The following GAS7 variants were observed in gnomAD, a reference collection of about 807,000 sequenced individuals.
GAS7 encodes growth arrest specific 7, also known as growth arrest-specific protein 7.
GAS7 carries 28 observed loss-of-function variants against 71.1 expected under a neutral mutation model. The ratio of observed to expected loss-of-function variants is 0.39; its 90% confidence interval spans 0.29 to 0.54. GAS7 has a LOEUF of 0.54. Among genes scored for constraint, GAS7 ranks in the 20% least tolerant of loss-of-function variants. The pLI is 0.62. For missense variants in GAS7, 436 were observed against 627.8 expected (o/e 0.69, Z 3.27); for synonymous variants, 258 against 245.8 (o/e 1.05, Z -0.46).
intron 4 of GAS7, among the ~76,000 whole-genome samples, chr17:9,967,312 T>G (rs2069759004): frequency 6.6e-6 from 1 of 152,140 alleles, no homozygotes; most frequent in Admixed American, 6.5e-5. Context: ...GTTCTCAACT[T>G]CAGCACGATT....
intron 1 of GAS7, among the ~76,000 whole-genome samples, chr17:10,116,017 T>A (rs2142071604): frequency 6.6e-6 from 1 of 152,288 alleles, no homozygotes; most frequent in Non-Finnish European, 1.5e-5. Context: ...ATCATCAAAA[T>A]GAGGTTGGGT....
At position 10,034,160 on chromosome 17, in the gene GAS7, G is replaced by A. The variant is rs1293767768; in HGVS notation, c.184-14263C>T. The A allele has an allele frequency of 1.0e-6, 1 of 984,956 alleles. No individual in the cohort carries two copies. The highest frequency in any genetic ancestry group is 1.2e-6 in the Non-Finnish European group (1 of 829,620). The allele number at this position is 984,956 out of a possible 1,614,324, so 61.0% of individuals were successfully genotyped here. On this transcript the variant is annotated intron_variant, in intron 1 of 13. Coordinates refer to ENST00000432992, the MANE Select transcript of GAS7 (RefSeq NM_201433.2). This position sits in a 1 kb window ranked among gnomAD's most constrained non-coding sequence, Gnocchi z 4.4. ...GAACACAGGATGGGAATCGGAGCTG[G>A]TAAAGCTGCAGCAGTCTCGCTGGCA...
intron 1 of GAS7, among the ~76,000 whole-genome samples, chr17:10,063,375 G>A (rs771214224): frequency 1.4e-4 from 22 of 152,176 alleles, no homozygotes; most frequent in Non-Finnish European, 2.9e-4. Flanking sequence ...CTTCCATCCT[G>A]CTCTCTCTGC....
In GAS7 at chr17:9,917,336, G is replaced by T; in HGVS notation, c.1323C>A (p.Val441=). 1.9e-6 allele frequency: 3 copies of T among 1,610,614 alleles called. No homozygotes were observed. Among genetic ancestry groups the T allele is most frequent in the Non-Finnish European group, 2.5e-6 (3 of 1,176,720 alleles). Residue 441 remains valine (V), a synonymous_variant, in exon 14 of 14, where the codon GTC becomes GTA. Transcript: ENST00000432992. Reference sequence around the variant, plus strand: ...TTCGAAGCAGCTGATCCACGGGCTCGACTGTCTGCAAGAGACAGAGAAAAT... The same window carrying T: ...TTCGAAGCAGCTGATCCACGGGCTCTACTGTCTGCAAGAGACAGAGAAAAT... ...HETDMFNQST[V]EPVDQLLRKV...
At chr17:10,108,426 A>G (rs1283094217) in intron 1 of GAS7, among the ~76,000 whole-genome samples, 2 of 152,192 alleles carry the variant, frequency 1.3e-5, no homozygotes, top group Non-Finnish European at 2.9e-5. Flanking sequence ...GGTCGTTCTC[A>G]GGGTATGCTT....
chr17:10,109,469 A>T (rs1480716678), intron 1 of GAS7, among the ~76,000 whole-genome samples: 1 of 152,264 alleles, frequency 6.6e-6, no homozygotes, highest in Non-Finnish European at 1.5e-5. Flanking sequence ...ATGAGGAAAG[A>T]TGGGATCTCT....
chr17:9,934,434 G>T (rs2068320135), intron 8 of GAS7, among the ~76,000 whole-genome samples, 190 bp from the exon 9 acceptor site: 1 of 152,152 alleles, frequency 6.6e-6, no homozygotes. Context: ...GAGCCACCAA[G>T]GTCCAAGTGA....
In GAS7 at chr17:9,981,370, TCA is replaced by T. The variant is rs957937132; in HGVS notation, c.385+432_385+433del. ...TTGATTACCTTTGCAGATGGGGAAC[TCA>T]CACCCTCAAAAGGTCTCCCTCACAC... is the stretch of plus-strand genomic sequence containing the variant. On this transcript the variant is annotated intron_variant, in intron 3 of 13. Coordinates refer to ENST00000432992, the MANE Select transcript of GAS7 (RefSeq NM_201433.2). This position sits in a 1 kb window ranked among gnomAD's most constrained non-coding sequence, Gnocchi z 4.4. Among the ~76,000 whole-genome samples, 16 of 152,246 alleles carry T rather than the reference TCA, an allele frequency of 1.1e-4. No individual in the cohort carries two copies. Among genetic ancestry groups the T allele is most frequent in the African/African-American group, 3.9e-4 (16 of 41,550 alleles).
intron 1 of GAS7, among the ~76,000 whole-genome samples, chr17:10,071,463 T>C (rs2073338906): frequency 6.6e-6 from 1 of 151,936 alleles, no homozygotes; most frequent in Non-Finnish European, 1.5e-5. Flanking sequence ...CAGCCAGACA[T>C]GAGGAGGTGG....
chr17:9,989,334 A>G (rs1260393384), intron 2 of GAS7, among the ~76,000 whole-genome samples: 3 of 152,050 alleles, frequency 2.0e-5, no homozygotes, highest in East Asian at 1.9e-4. Flanking sequence ...CAATATGAAT[A>G]TTATTATTAT....
intron 1 of GAS7, among the ~76,000 whole-genome samples, chr17:10,158,355 A>C (rs1279051662): frequency 1.3e-5 from 2 of 151,040 alleles, no homozygotes; most frequent in African/African-American, 2.4e-5. Context: ...AAAAAAAAAA[A>C]AAAAACAAGG....
At chr17:9,976,987 A>G (rs1454967289) in intron 3 of GAS7, among the ~76,000 whole-genome samples, 1 of 152,214 alleles carries the variant, frequency 6.6e-6, no homozygotes, top group African/African-American at 2.4e-5. Flanking sequence ...TGGATCCAAG[A>G]ACAGAAAAAG....
At chr17:9,947,872 T>C (rs943755843) in intron 5 of GAS7, among the ~76,000 whole-genome samples, 37 of 151,174 alleles carry the variant, frequency 2.4e-4, no homozygotes, top group African/African-American at 9.0e-4. Context: ...TATAGTTCCT[T>C]TTCAAAAAGG....
chr17:10,121,513 T>G (rs1019416449), intron 1 of GAS7, among the ~76,000 whole-genome samples: 40 of 152,296 alleles, frequency 2.6e-4, no homozygotes, highest in African/African-American at 9.6e-4. Context: ...AGTTTCCCCA[T>G]GTGTCAAACA....
chr17:9,958,105 C>T (rs967891734), intron 5 of GAS7, among the ~76,000 whole-genome samples: 9 of 152,122 alleles, frequency 5.9e-5, no homozygotes, highest in African/African-American at 1.7e-4. Context: ...ACCCACTACC[C>T]CCCATTTCCC....
chr17:10,133,108 T>TTTTATATATATATATATATATA (rs1555535947), intron 1 of GAS7, among the ~76,000 whole-genome samples: 2 of 124,154 alleles, frequency 1.6e-5, no homozygotes, highest in African/African-American at 5.9e-5. Context: ...TATAATTAGA[T>TTTTATATATATATATATATATA]TATATATTTT....
In GAS7 at chr17:10,036,471, C is replaced by T. The variant is rs758652732; in HGVS notation, c.184-16574G>A. The T allele has an allele frequency of 1.9e-6, 3 of 1,613,892 alleles. No homozygotes were observed. The Admixed American group carries it at 5.0e-5, about 27-fold the overall frequency. On this transcript the variant is annotated intron_variant, in intron 1 of 13. Coordinates refer to ENST00000432992, the MANE Select transcript of GAS7 (RefSeq NM_201433.2). ...GCTAACCTTCTCTGGGGGCTGCTACCTCAGAGGAGAGTCTTGGGTCCTGCC... is the reference window on the plus strand; with the variant it reads ...GCTAACCTTCTCTGGGGGCTGCTACTTCAGAGGAGAGTCTTGGGTCCTGCC...
chr17:10,154,686 A>G (rs1025752603), intron 1 of GAS7, among the ~76,000 whole-genome samples: 1 of 152,042 alleles, frequency 6.6e-6, no homozygotes, highest in South Asian at 2.1e-4. Context: ...AGAAAGAAAA[A>G]CAGAGTGACT....
chr17:10,050,465 C>A (rs1230438894), intron 1 of GAS7, among the ~76,000 whole-genome samples: 1 of 152,178 alleles, frequency 6.6e-6, no homozygotes, highest in Non-Finnish European at 1.5e-5. Context: ...CCAGTACCCA[C>A]ACAGAGCCCT....
Sources: allele counts gnomAD v4.1 joint callset (sites outside exome capture counted in the v4.1 genomes callset), GRCh38; gene constraint gnomAD v4.1.1; non-coding constraint Gnocchi (gnomAD v3.1); transcripts MANE v1.5; gene names NCBI Gene and HGNC (gene_info 2026-07-23, HGNC 2026-07-21).